Variants in TNRC6B observed in about 807,000 individuals in gnomAD.
The protein encoded by TNRC6B is trinucleotide repeat containing adaptor 6B.
Under a neutral mutation model 203.6 loss-of-function variants are expected in TNRC6B, and 52 were observed. The ratio of observed to expected loss-of-function variants is 0.26; its 90% CI spans 0.20 to 0.32. The LOEUF (loss-of-function observed/expected upper bound fraction) is 0.32. TNRC6B is among the 10% of genes least tolerant of loss of function. The pLI is 1.00. For synonymous variants in TNRC6B, 838 were observed against 845.7 expected (o/e 0.99, Z 0.16); for missense variants, 1,923 against 2,286.2 (o/e 0.84, Z 3.24).
chr22:40,059,786 A>T (rs1315996613), intron 1 of TNRC6B, among the ~76,000 whole-genome samples: 1 of 149,912 alleles, frequency 6.7e-6, no homozygotes, highest in Admixed American at 6.6e-5. Context: ...GATTCCTGGG[A>T]TAAGCCCCAT....
intron 5 of TNRC6B, among the ~76,000 whole-genome samples, chr22:40,268,162 G>A (rs935022121): frequency 1.2e-4 from 18 of 152,066 alleles, no homozygotes; most frequent in African/African-American, 3.9e-4. Flanking sequence ...ATCTCGGCTC[G>A]CTATAACCTC....
At chr22:40,130,485 G>T (rs1023260305) in intron 3 of TNRC6B, among the ~76,000 whole-genome samples, 4 of 152,102 alleles carry the variant, frequency 2.6e-5, no homozygotes, top group African/African-American at 9.7e-5. Context: ...GCTAAGAATA[G>T]TTAACAAATG....
At chr22:40,313,974 A>G (rs1952884285) in intron 19 of TNRC6B, among the ~76,000 whole-genome samples, 1 of 152,234 alleles carries the variant, frequency 6.6e-6, no homozygotes, top group Non-Finnish European at 1.5e-5. Context: ...AGACATCTCA[A>G]TATTCCGGGT....
chr22:40,161,332 A>G (rs777782890), intron 4 of TNRC6B, among the ~76,000 whole-genome samples: 22 of 152,218 alleles, frequency 1.4e-4, no homozygotes, highest in Admixed American at 2.0e-4. Flanking sequence ...ATTCATTGGT[A>G]TTAGCCTGTA....
chr22:40,148,118 A>G (rs1473548526), intron 3 of TNRC6B, among the ~76,000 whole-genome samples: 1 of 152,174 alleles, frequency 6.6e-6, no homozygotes, highest in Non-Finnish European at 1.5e-5. Flanking sequence ...AAAGGAGCTC[A>G]TAGAAAGATG....
intron 2 of TNRC6B, among the ~76,000 whole-genome samples, chr22:40,250,270 T>C (rs2070172389): frequency 1.3e-5 from 2 of 152,328 alleles, no homozygotes; most frequent in South Asian, 4.1e-4. Flanking sequence ...GTGCATCACC[T>C]TTGTGGTTTT....
At chr22:40,210,526 C>T (rs17001705) in intron 1 of TNRC6B, among the ~76,000 whole-genome samples, 4 of 152,158 alleles carry the variant, frequency 2.6e-5, no homozygotes, top group African/African-American at 9.7e-5. Flanking sequence ...AAACTGTTAA[C>T]ACTTTGGTAA....
intron 15 of TNRC6B, among the ~76,000 whole-genome samples, chr22:40,304,855 T>C (rs2071070139): frequency 6.6e-6 from 1 of 152,226 alleles, no homozygotes; most frequent in Admixed American, 6.5e-5. Flanking sequence ...AGTAATTGTA[T>C]CTATGCTGCA....
rs373334595 is a variant in TNRC6B, at chr22:40,201,711, C to T, written c.5+23571C>T. 4.6e-5 allele frequency among the ~76,000 whole-genome samples: 7 copies of T among 152,146 alleles called. No homozygotes were observed. In the East Asian group the frequency reaches 1.2e-3, roughly 25 times the overall value. ...AGTAGCTGGGATTAGAGTTGTGAGC[C>T]ACCACACCCAGCCTCCATTTTCAAA... On this transcript the variant is annotated intron_variant, in intron 1 of 22. Transcript: ENST00000454349.
At chr22:40,201,342 A>C (rs1185083123) in intron 1 of TNRC6B, among the ~76,000 whole-genome samples, 4 of 152,074 alleles carry the variant, frequency 2.6e-5, no homozygotes, top group Non-Finnish European at 1.5e-5. Context: ...AGTATGAGAT[A>C]AATACTGGCT....
chr22:40,099,678 A>AG (rs1263483464), intron 1 of TNRC6B, among the ~76,000 whole-genome samples: 2 of 152,260 alleles, frequency 1.3e-5, no homozygotes, highest in African/African-American at 4.8e-5. Flanking sequence ...TAAAGAATAC[A>AG]GGAAGATGTG....
chr22:40,243,847 A>G (rs766244720), intron 1 of TNRC6B, among the ~76,000 whole-genome samples: 9 of 152,204 alleles, frequency 5.9e-5, no homozygotes, highest in Non-Finnish European at 1.2e-4. Flanking sequence ...GGCCTCCCAA[A>G]GTGCTGGGAT....
At chr22:40,156,078 A>T in intron 3 of TNRC6B, 1 of 1,553,880 alleles carries the variant, frequency 6.4e-7, no homozygotes, top group South Asian at 1.2e-5. Context: ...CATTGTAGTT[A>T]CTGACTGCTG....
intron 2 of TNRC6B, among the ~76,000 whole-genome samples, chr22:40,118,849 G>C (rs2068416079): frequency 2.0e-5 from 3 of 152,210 alleles, no homozygotes; most frequent in Non-Finnish European, 1.5e-5. Flanking sequence ...TTTCTGCCTA[G>C]AGATGGATCA....
At position 40,324,038 on chromosome 22, in the gene TNRC6B, A is replaced by G. The variant is rs983303058; in HGVS notation, c.*797A>G. 1.3e-5 allele frequency: 2 copies of G among 152,218 alleles called. No individual in the cohort carries two copies. Among genetic ancestry groups the G allele is most frequent in the East Asian group, 3.9e-4 (2 of 5,184 alleles). 9.4% of individuals were successfully genotyped at this position (152,218 alleles called of 1,614,324 possible). A position where few individuals can be genotyped will look rare whatever the true frequency, so the allele number is the denominator to read the frequency against. On this transcript the variant is annotated 3_prime_UTR_variant, in exon 23 of 23. Transcript: ENST00000454349. ...TGGCTGGCCGGCCCATCTGCTTTTT[A>G]TTTTATTTTTTTAACTATGAGAACA...
At chr22:40,076,663 A>T (rs1337096137) in intron 1 of TNRC6B, among the ~76,000 whole-genome samples, 1 of 152,120 alleles carries the variant, frequency 6.6e-6, no homozygotes, top group African/African-American at 2.4e-5. Context: ...TAAGCCTCTC[A>T]AAGTGGTGTG....
chr22:40,316,593 A>G (rs570622682), intron 21 of TNRC6B, among the ~76,000 whole-genome samples: 1 of 152,224 alleles, frequency 6.6e-6, no homozygotes, highest in South Asian at 2.1e-4. Context: ...ATTGCATTGC[A>G]CTCCAGGTTG....
intron 11 of TNRC6B, among the ~76,000 whole-genome samples, chr22:40,283,951 A>G (rs952920433): frequency 3.3e-5 from 5 of 152,256 alleles, no homozygotes; most frequent in African/African-American, 1.2e-4. Flanking sequence ...AATAATTGAC[A>G]TCTAATAACT....
At chr22:40,279,157 G>A (rs1018231182) in intron 9 of TNRC6B, among the ~76,000 whole-genome samples, 1 of 152,152 alleles carries the variant, frequency 6.6e-6, no homozygotes, top group East Asian at 1.9e-4. Flanking sequence ...AGGATGCTTC[G>A]TTATTGACAA....
Sources: allele counts gnomAD v4.1 joint callset (sites outside exome capture counted in the v4.1 genomes callset), GRCh38; gene constraint gnomAD v4.1.1; transcripts MANE v1.5; gene names NCBI Gene and HGNC (gene_info 2026-07-23, HGNC 2026-07-21).